PCDHA5: variants seen among roughly 807,000 people sequenced by gnomAD.
The protein encoded by PCDHA5 is protocadherin alpha 5.
In PCDHA5, 43 loss-of-function variants were observed where a neutral mutation model predicts 61.6. That is an observed-to-expected ratio of 0.70 (90% CI 0.55 to 0.90). PCDHA5 has a LOEUF of 0.90. Ranked by LOEUF, PCDHA5 falls within the 40% of genes least tolerant of loss-of-function variation. The pLI, the probability that PCDHA5 is intolerant of heterozygous loss-of-function variation, is 0.00. For missense variants in PCDHA5, 1,298 were observed against 1,222.7 expected, an observed-to-expected ratio of 1.06 and a Z score of -0.92; for synonymous variants, 627 against 543.9, an observed-to-expected ratio of 1.15 and a Z score of -2.13.
chr5:141,005,263 A>T (rs1223276392), intron 3 of PCDHA5, among the ~76,000 whole-genome samples: 2 of 152,198 alleles, frequency 1.3e-5, no homozygotes, highest in Admixed American at 1.3e-4. Context: ...GGCACTGGTG[A>T]TACATTGGTG....
At chr5:140,836,935 T>C in intron 1 of PCDHA5, 1 of 475,564 alleles carries the variant, frequency 2.1e-6, no homozygotes. Context: ...CGTAATACTA[T>C]AGATCAAAAT....
intron 1 of PCDHA5, chr5:140,883,784 A>G (rs2059818732): frequency 3.7e-6 from 6 of 1,612,354 alleles, no homozygotes; most frequent in Non-Finnish European, 4.2e-6. Context: ...TGCGCTGTCG[A>G]GCTACGTGTC....
intron 1 of PCDHA5, among the ~76,000 whole-genome samples, chr5:140,925,578 A>G (rs1378824182): frequency 6.6e-6 from 1 of 151,838 alleles, no homozygotes; most frequent in African/African-American, 2.4e-5. Flanking sequence ...GCACACCAAC[A>G]TGGCGCATGT....
chr5:140,868,044 A>G (rs1224087993), intron 1 of PCDHA5: 1 of 152,140 alleles, frequency 6.6e-6, no homozygotes, highest in Non-Finnish European at 1.5e-5. Flanking sequence ...TGGAAATACC[A>G]ATATGGCACA....
chr5:140,915,049 G>A (rs141616466), intron 1 of PCDHA5, among the ~76,000 whole-genome samples: 6,100 of 150,756 alleles, frequency 0.04, 138 homozygotes, highest in Non-Finnish European at 0.052. Flanking sequence ...GGGTTCAAGC[G>A]ATTCTCCTGC....
chr5:140,926,223 TAGA>T, intron 1 of PCDHA5: 1 of 152,200 alleles, frequency 6.6e-6, no homozygotes, highest in Non-Finnish European at 1.5e-5. Flanking sequence ...TCCTTAAGCC[TAGA>T]AGGTGTGGTC....
intron 1 of PCDHA5, among the ~76,000 whole-genome samples, chr5:140,875,039 A>AT: frequency 3.9e-5 from 6 of 152,348 alleles, no homozygotes; most frequent in Admixed American, 3.9e-4. Context: ...TATTTGAAAG[A>AT]TTTCTACTTT....
At chr5:140,828,667 T>G in intron 1 of PCDHA5, 3 of 1,614,172 alleles carry the variant, frequency 1.9e-6, no homozygotes, top group Non-Finnish European at 2.5e-6. Flanking sequence ...ATAAACAAAT[T>G]GGGCTCTTAT....
chr5:140,870,124 G>A, intron 1 of PCDHA5: 1 of 1,613,940 alleles, frequency 6.2e-7, no homozygotes, highest in Non-Finnish European at 8.5e-7. Context: ...GGAAATCTTG[G>A]ACACCAACGA....
At chr5:140,986,293 CAG>C (rs1447196504) in intron 3 of PCDHA5, among the ~76,000 whole-genome samples, 2 of 152,124 alleles carry the variant, frequency 1.3e-5, no homozygotes, top group Admixed American at 6.5e-5. Flanking sequence ...TGAGACTGAG[CAG>C]AGAGAGAAAA....
At chr5:140,851,091 G>C in intron 1 of PCDHA5, 1 of 1,292,680 alleles carries the variant, frequency 7.7e-7, no homozygotes, top group Non-Finnish European at 1.0e-6. Flanking sequence ...ATATTAAATA[G>C]ATATTTTTTG....
rs782590821 is a variant in PCDHA5 at position 140,929,251 on chromosome 5, G to T, written c.2353-49698G>T. On this transcript the variant is annotated intron_variant, in intron 1 of 3. Transcript: ENST00000529859. ...CGACCTGCGAAATCTTGCCACTGGG[G>T]TAGGACTGAATTTGCCAATATCCTG... The T allele has an allele frequency of 3.1e-6, 5 of 1,613,416 alleles. No homozygotes were observed. Among genetic ancestry groups the T allele is most frequent in the African/African-American group, 1.3e-5 (1 of 74,908 alleles).
At chr5:141,004,580 A>T (rs782539696) in intron 3 of PCDHA5, among the ~76,000 whole-genome samples, 1 of 152,222 alleles carries the variant, frequency 6.6e-6, no homozygotes, top group Non-Finnish European at 1.5e-5. Context: ...TGTGTTCTGC[A>T]TCTCCAGATG....
rs782469778 is a variant in PCDHA5 at position 140,882,968 on chromosome 5, G to A, written c.2352+58841G>A. The A allele has an allele frequency of 3.7e-6, 6 of 1,614,028 alleles. No homozygotes were observed. The African/African-American group carries it at 8.0e-5, about 22-fold the overall frequency. ...AGTTCAGCTGCTCATCACGATTCTGGACGTGAATGACAACGCCCCGGAATT... is the reference window on the plus strand; with the variant it reads ...AGTTCAGCTGCTCATCACGATTCTGAACGTGAATGACAACGCCCCGGAATT... On this transcript the variant is annotated intron_variant, in intron 1 of 3. Transcript: ENST00000529859.
chr5:140,862,658 G>A (rs547936781), intron 1 of PCDHA5: 19 of 545,608 alleles, frequency 3.5e-5, no homozygotes, highest in Admixed American at 1.9e-4. Flanking sequence ...GCGCGGGACC[G>A]GGACGCGCAG....
At chr5:140,881,791 T>C (rs1487248430) in intron 1 of PCDHA5, among the ~76,000 whole-genome samples, 9 of 152,204 alleles carry the variant, frequency 5.9e-5, no homozygotes, top group Admixed American at 5.9e-4. Context: ...CGATCAATTG[T>C]CCCAAAACGA....
At position 140,857,632 on chromosome 5, in the gene PCDHA5, G is replaced by C; in HGVS notation, c.2352+33505G>C. On this transcript the variant is annotated intron_variant, in intron 1 of 3. Transcript: ENST00000529859. ...AGCCGCTGGACCACGAGGAGCTGGA[G>C]CTGCTACAGTTCCAGGTGAGCGCGC... 1.9e-6 allele frequency: 3 copies of C among 1,596,770 alleles called. 1 individual carries two copies. Among genetic ancestry groups the C allele is most frequent in the Non-Finnish European group, 2.6e-6 (3 of 1,167,764 alleles).
intron 1 of PCDHA5, among the ~76,000 whole-genome samples, chr5:140,840,787 C>T (rs1335251358): frequency 6.6e-6 from 1 of 151,984 alleles, no homozygotes; most frequent in South Asian, 2.1e-4. Context: ...GAATTATATG[C>T]TCACCTCAGA....
intron 1 of PCDHA5, chr5:140,966,508 A>G (rs1288054154): frequency 9.2e-6 from 4 of 434,452 alleles, no homozygotes; most frequent in African/African-American, 4.1e-5. Context: ...TAGCGGCAGC[A>G]GCAGCAGGAA....
Sources: gnomAD v4.1 joint callset for allele counts (sites outside exome capture counted in the v4.1 genomes callset) on GRCh38, gnomAD v4.1.1 for gene constraint, MANE v1.5 for transcripts, NCBI Gene and HGNC (gene_info 2026-07-23, HGNC 2026-07-21) for gene names.